The following ABCC1 variants were observed in gnomAD, a reference collection of about 807,000 sequenced individuals.
ABCC1 encodes the protein multidrug resistance-associated protein 1.
Under a neutral mutation model 172.9 loss-of-function variants are expected in ABCC1, and 83 were observed. The ratio of observed to expected loss-of-function variants is 0.48; its 90% CI spans 0.40 to 0.58. The LOEUF is 0.58. Among genes scored for constraint, ABCC1 ranks in the 20% least tolerant of loss-of-function variants. The pLI, the probability that ABCC1 is intolerant of heterozygous loss-of-function variation, is 0.00. For missense variants in ABCC1, 1,817 were observed against 2,002.7 expected (o/e 0.91, Z 1.77); for synonymous variants, 937 against 825.2 (o/e 1.14, Z -2.32).
intron 16 of ABCC1, among the ~76,000 whole-genome samples, chr16:16,082,101 G>T (rs1482489317): frequency 6.6e-6 from 1 of 152,190 alleles, no homozygotes. Context: ...TGTCCCTGGT[G>T]TGTTTTCTGC....
intron 1 of ABCC1, among the ~76,000 whole-genome samples, chr16:15,990,658 C>A (rs936695011): frequency 3.4e-5 from 5 of 147,094 alleles, no homozygotes; most frequent in African/African-American, 1.2e-4. Flanking sequence ...GATTTCTTTC[C>A]TTTTTTTTTT....
intron 3 of ABCC1, among the ~76,000 whole-genome samples, chr16:16,014,036 A>G (rs963564584): frequency 8.5e-5 from 13 of 152,210 alleles, no homozygotes; most frequent in African/African-American, 3.1e-4. Flanking sequence ...GCATGAAGGC[A>G]TGTCCATTCA....
rs138794502 is a variant in ABCC1, at chr16:16,024,266, C to G, written c.615+7645C>G. Reference sequence around the variant, plus strand: ...ATTCTGCTTGGCTAGATTGGAAGGGCTAGGATGTAAGCGAAAAGAGAGGCA... The same window carrying G: ...ATTCTGCTTGGCTAGATTGGAAGGGGTAGGATGTAAGCGAAAAGAGAGGCA... On this transcript the variant is annotated intron_variant, in intron 5 of 30. Coordinates refer to ENST00000399410, the MANE Select transcript of ABCC1 (RefSeq NM_004996.4). Among the ~76,000 whole-genome samples the G allele has an allele frequency of 2.1e-3, 287 of 134,914 alleles. 3 individuals carry two copies. The South Asian group carries it at 0.046, about 22-fold the overall frequency. 88.5% of individuals were successfully genotyped at this position (134,914 alleles called of 152,430 possible). A position where few individuals can be genotyped will look rare whatever the true frequency, so the allele number is the denominator to read the frequency against.
At chr16:16,141,078 G>T in intron 30 of ABCC1, 95 bp from the exon 31 acceptor site, 1 of 1,057,424 alleles carries the variant, frequency 9.5e-7, no homozygotes, top group South Asian at 1.4e-5. Context: ...TTAGGGGCCT[G>T]ACCCGAAGCA....
chr16:15,982,446 G>A (rs929089267), intron 1 of ABCC1, among the ~76,000 whole-genome samples: 1 of 152,020 alleles, frequency 6.6e-6, no homozygotes, highest in Non-Finnish European at 1.5e-5. Flanking sequence ...CTGAGCAAAA[G>A]TGCTTCTTTT....
Position 16,121,346 on chromosome 16 carries a change from A to G in ABCC1, c.3391-629A>G, listed in dbSNP as rs77899385. The stretch of plus-strand genomic sequence containing the variant: ...CATGAGCCACCCCACCTGGCCGAGC[A>G]AGCCTTGTTGTTCCCATTTTACAGA... On this transcript the variant is annotated intron_variant, in intron 23 of 30. Coordinates refer to ENST00000399410, the MANE Select transcript of ABCC1 (RefSeq NM_004996.4). Among the ~76,000 whole-genome samples the G allele has an allele frequency of 9.5e-3, 1,451 of 152,310 alleles. 19 individuals carry two copies. The highest frequency in any genetic ancestry group is 0.013 in the Non-Finnish European group (899 of 68,030).
chr16:16,115,977 A>T (rs1231739012), intron 23 of ABCC1, among the ~76,000 whole-genome samples: 1 of 150,614 alleles, frequency 6.6e-6, no homozygotes, highest in African/African-American at 2.5e-5. Context: ...ATCTCGGCTC[A>T]CTGCAAGCTC....
At chr16:16,048,056 TCTCCTTC>T in intron 9 of ABCC1, 79 bp from the exon 10 acceptor site, 1 of 1,483,694 alleles carries the variant, frequency 6.7e-7, no homozygotes, top group Non-Finnish European at 9.3e-7. Context: ...CCCCTGAGAG[TCTCCTTC>T]CTCTCCGTGG....
chr16:16,126,818 C>T (rs1191227929), intron 26 of ABCC1, among the ~76,000 whole-genome samples: 2 of 152,172 alleles, frequency 1.3e-5, no homozygotes, highest in African/African-American at 4.8e-5. Context: ...ATTAAAACAA[C>T]AAGAGAATGA....
intron 1 of ABCC1, among the ~76,000 whole-genome samples, chr16:15,984,726 G>C (rs2067339831): frequency 6.6e-6 from 1 of 151,976 alleles, no homozygotes; most frequent in Non-Finnish European, 1.5e-5. Flanking sequence ...TTACAGGCTT[G>C]AGCCACCGCG....
intron 5 of ABCC1, among the ~76,000 whole-genome samples, chr16:16,028,192 G>A (rs1017626255): frequency 1.1e-4 from 16 of 152,104 alleles, no homozygotes; most frequent in African/African-American, 3.9e-4. Context: ...GTGATTAAGG[G>A]GTGATATCGG....
intron 20 of ABCC1, among the ~76,000 whole-genome samples, chr16:16,103,830 G>A (rs1182071926): frequency 5.3e-5 from 8 of 152,194 alleles, no homozygotes; most frequent in Non-Finnish European, 1.2e-4. Flanking sequence ...GTCCGGAATT[G>A]GTGGGTCTTG....
chr16:16,052,431 A>T (rs1318831977), intron 10 of ABCC1, among the ~76,000 whole-genome samples: 1 of 74,494 alleles, frequency 1.3e-5, no homozygotes, highest in Admixed American at 1.3e-4. Context: ...CTCATCTCCT[A>T]AAAAAAAAAA....
intron 17 of ABCC1, among the ~76,000 whole-genome samples, chr16:16,084,286 C>A (rs556727272): frequency 6.6e-6 from 1 of 151,838 alleles, no homozygotes; most frequent in Non-Finnish European, 1.5e-5. Context: ...TATTTTTAGT[C>A]GAGGCAGGGT....
At chr16:16,050,186 T>C (rs1345214612) in intron 10 of ABCC1, among the ~76,000 whole-genome samples, 12 of 152,160 alleles carry the variant, frequency 7.9e-5, no homozygotes, top group Non-Finnish European at 1.2e-4. Flanking sequence ...AGAGAAGGGC[T>C]GGACGAAATG....
At chr16:16,033,307 TG>T (rs1361497541) in intron 6 of ABCC1, 137 bp downstream of exon 6, 12 of 824,324 alleles carry the variant, frequency 1.5e-5, no homozygotes, top group Non-Finnish European at 2.2e-5. Flanking sequence ...TGAATCTGCC[TG>T]TGCTGGCCAT....
intron 7 of ABCC1, among the ~76,000 whole-genome samples, chr16:16,043,911 A>G (rs934944777): frequency 6.6e-6 from 1 of 152,064 alleles, no homozygotes; most frequent in Non-Finnish European, 1.5e-5. Flanking sequence ...CATGATTGTT[A>G]TTTTGTATTG....
At chr16:16,075,624 C>T (rs1477484094) in intron 14 of ABCC1, among the ~76,000 whole-genome samples, 1 of 152,198 alleles carries the variant, frequency 6.6e-6, no homozygotes, top group East Asian at 1.9e-4. Flanking sequence ...AAGCCAGATC[C>T]TGTCTCAGGA....
chr16:15,959,563 C>A (rs1407924150), intron 1 of ABCC1, among the ~76,000 whole-genome samples: 2 of 152,098 alleles, frequency 1.3e-5, no homozygotes, highest in African/African-American at 4.8e-5. Flanking sequence ...TGGGCTCAAG[C>A]GATCCTCCTG....
Sources: gnomAD v4.1 joint callset for allele counts (sites outside exome capture counted in the v4.1 genomes callset) on GRCh38, gnomAD v4.1.1 for gene constraint, MANE v1.5 for transcripts, NCBI Gene and HGNC (gene_info 2026-07-23, HGNC 2026-07-21) for gene names.